Variants in SEMA4F observed in about 807,000 individuals in gnomAD.
SEMA4F encodes the protein semaphorin-4F.
In SEMA4F, 51 loss-of-function variants were observed where a neutral mutation model predicts 78.4. The observed-to-expected ratio is 0.65, with a 90% CI of 0.52 to 0.82. The LOEUF is 0.82. Ranked by LOEUF, SEMA4F falls within the 40% of genes least tolerant of loss-of-function variation. The pLI, the probability that SEMA4F is intolerant of heterozygous loss-of-function variation, is 0.00. For synonymous variants in SEMA4F, 418 were observed against 408.7 expected (o/e 1.02, Z -0.27); for missense variants, 938 against 1,014.4 (o/e 0.92, Z 1.02).
Position 74,682,988 on chromosome 2 carries a change from T to C in SEMA4F, c.*2779T>C, listed in dbSNP as rs1026607397. On this transcript the variant is annotated 3_prime_UTR_variant, in exon 14 of 14. Coordinates refer to ENST00000357877, the MANE Select transcript of SEMA4F (RefSeq NM_004263.5). Reference sequence around the variant, plus strand: ...ACAATAAGCACTCTTGCCCACGTTTTCCCTGCTCCCTCTGCATCCCAACTG... The same window carrying C: ...ACAATAAGCACTCTTGCCCACGTTTCCCCTGCTCCCTCTGCATCCCAACTG... 6.6e-6 allele frequency: 1 copy of C among 152,516 alleles called. No individual in the cohort carries two copies. Among genetic ancestry groups the C allele is most frequent in the African/African-American group, 2.4e-5 (1 of 41,452 alleles). The allele number at this position is 152,516 out of a possible 1,614,324, so 9.4% of individuals were successfully genotyped here.
At chr2:74,667,937 A>G (rs1684778719) in intron 5 of SEMA4F, among the ~76,000 whole-genome samples, 1 of 152,198 alleles carries the variant, frequency 6.6e-6, no homozygotes, top group South Asian at 2.1e-4. Context: ...CAGACCACAC[A>G]TCCAACTGCC....
chr2:74,696,588 TAA>T, the SEMA4F span, among the ~76,000 whole-genome samples: 4 of 151,998 alleles, frequency 2.6e-5, no homozygotes, highest in Admixed American at 2.6e-4. Flanking sequence ...GGGTGAGGGA[TAA>T]AAAAACTACC....
downstream of SEMA4F, among the ~76,000 whole-genome samples, chr2:74,687,709 C>T (rs115953335): frequency 5.8e-3 from 883 of 152,300 alleles, 7 homozygotes; most frequent in African/African-American, 0.02. Context: ...GTGGCAGCCC[C>T]TGGGATCCTC....
At chr2:74,659,585 T>C (rs1399655552) in intron 4 of SEMA4F, among the ~76,000 whole-genome samples, 1 of 152,188 alleles carries the variant, frequency 6.6e-6, no homozygotes, top group African/African-American at 2.4e-5. Context: ...GGGCCCATCC[T>C]TTGGTCAAGG....
At chr2:74,698,404 A>G in the SEMA4F span, among the ~76,000 whole-genome samples, 3 of 152,192 alleles carry the variant, frequency 2.0e-5, no homozygotes, top group Non-Finnish European at 4.4e-5. Context: ...GTTGGGGTAC[A>G]TTGTCTTATA....
In SEMA4F at chr2:74,675,285, C is replaced by A. The variant is rs1317154519; in HGVS notation, c.1273C>A (p.Pro425Thr). Residue 425 changes from proline (P) to threonine (T), a missense_variant, in exon 10 of 14, where the codon CCC (proline) becomes ACC (threonine). Transcript: ENST00000357877. ...DRPVFPADGH[P>T]LLVTTDTAYL... Reference sequence around the variant, plus strand: ...GCCAGTGTTTCCAGCTGATGGCCACCCCCTGCTGGTCACTACAGATACAGC... The same window carrying A: ...GCCAGTGTTTCCAGCTGATGGCCACACCCTGCTGGTCACTACAGATACAGC... 1 of 1,614,102 alleles carries A rather than the reference C, an allele frequency of 6.2e-7. No individual in the cohort carries two copies. The highest frequency in any genetic ancestry group is 1.3e-5 in the African/African-American group (1 of 74,940).
chr2:74,698,646 G>A, the SEMA4F span, among the ~76,000 whole-genome samples: 3 of 152,156 alleles, frequency 2.0e-5, no homozygotes, highest in Non-Finnish European at 4.4e-5. Flanking sequence ...ACTGCAATAC[G>A]AGTCATGCCA....
At chr2:74,707,443 G>A in the SEMA4F span, among the ~76,000 whole-genome samples, 1 of 151,514 alleles carries the variant, frequency 6.6e-6, no homozygotes, top group Non-Finnish European at 1.5e-5. Flanking sequence ...GTAAATCTAG[G>A]TTAAAGGTAT....
At chr2:74,665,696 T>G (rs1684656705) in intron 5 of SEMA4F, among the ~76,000 whole-genome samples, 1 of 152,208 alleles carries the variant, frequency 6.6e-6, no homozygotes, top group Non-Finnish European at 1.5e-5. Flanking sequence ...TTATACATGT[T>G]TGAATAAAAC....
At chr2:74,668,929 CAAAAAAAAA>C (rs1308342967) in intron 5 of SEMA4F, among the ~76,000 whole-genome samples, 251 of 55,646 alleles carry the variant, frequency 4.5e-3, no homozygotes, top group South Asian at 0.012. Context: ...CAAGCGTGGC[CAAAAAAAAA>C]AAAAAAAAAA....
intron 1 of SEMA4F, 53 bp downstream of exon 1, chr2:74,654,574 C>A: frequency 6.9e-7 from 1 of 1,443,120 alleles, no homozygotes; most frequent in South Asian, 1.4e-5. Flanking sequence ...CCCACACCCA[C>A]ACCCACCTGC....
chr2:74,679,576 T>C (rs1268042242), intron 13 of SEMA4F, 23 bp from the exon 14 acceptor site: 1 of 1,578,228 alleles, frequency 6.3e-7, no homozygotes, highest in East Asian at 2.3e-5. Flanking sequence ...CACCTCCTTT[T>C]GTGCCTTTGC....
chr2:74,675,173 C>T lies in SEMA4F; in HGVS notation c.1161C>T (p.Asn387=). ...PQPRPGECIT[N]NMKLRHFGSS... ...TGTATTTCCTCTAGTGCATCACCAACAACATGAAGCTCCGGCACTTTGGCT... is the reference window on the plus strand; with the variant it reads ...TGTATTTCCTCTAGTGCATCACCAATAACATGAAGCTCCGGCACTTTGGCT... The change falls in exon 10 of 14, where the codon AAC becomes AAT. Residue 387 remains asparagine, a synonymous_variant. Transcript: ENST00000357877. The T allele has an allele frequency of 6.2e-7, 1 of 1,614,178 alleles. No homozygotes were observed. The highest frequency in any genetic ancestry group is 8.5e-7 in the Non-Finnish European group (1 of 1,180,028).
chr2:74,675,972 ACGTTTCT>A (rs1685260425), intron 12 of SEMA4F, 63 bp downstream of exon 12: 9 of 1,522,028 alleles, frequency 5.9e-6, no homozygotes, highest in Non-Finnish European at 7.9e-6. Context: ...CCATATGTCT[ACGTTTCT>A]CATCTGTTAA....
chr2:74,667,266 A>G (rs1684744472), intron 5 of SEMA4F, among the ~76,000 whole-genome samples: 1 of 152,234 alleles, frequency 6.6e-6, no homozygotes, highest in East Asian at 1.9e-4. Context: ...ATCCTTTTAC[A>G]TAATTCTTTG....
chr2:74,677,050 C>A (rs374376174), intron 12 of SEMA4F, among the ~76,000 whole-genome samples: 1 of 151,868 alleles, frequency 6.6e-6, no homozygotes, highest in Non-Finnish European at 1.5e-5. Context: ...TACAGGTGCC[C>A]GCCACCATGC....
chr2:74,690,362 C>CTTAT, the SEMA4F span, among the ~76,000 whole-genome samples: 5 of 151,998 alleles, frequency 3.3e-5, no homozygotes, highest in African/African-American at 9.7e-5. Context: ...GATTTACTGT[C>CTTAT]TTATTTATTT....
chr2:74,686,528 G>GTA, downstream of SEMA4F, among the ~76,000 whole-genome samples: 1 of 152,270 alleles, frequency 6.6e-6, no homozygotes, highest in East Asian at 1.9e-4. Context: ...CCATTACTGG[G>GTA]TATATACCCA....
downstream of SEMA4F, among the ~76,000 whole-genome samples, chr2:74,688,461 CT>C (rs1399364417): frequency 6.6e-6 from 1 of 151,984 alleles, no homozygotes; most frequent in African/African-American, 2.4e-5. Context: ...CATAAATGAG[CT>C]TTTAGAAATC....
Sources: allele counts gnomAD v4.1 joint callset (sites outside exome capture counted in the v4.1 genomes callset), GRCh38; gene constraint gnomAD v4.1.1; transcripts MANE v1.5; gene names NCBI Gene and HGNC (gene_info 2026-07-23, HGNC 2026-07-21).